DCAF8: variants seen among roughly 807,000 people sequenced by gnomAD.
DCAF8 encodes the protein DDB1 and CUL4 associated factor 8.
A neutral mutation model predicts 68.0 loss-of-function variants in DCAF8; 20 were observed. The ratio of observed to expected loss-of-function variants is 0.29; its 90% CI spans 0.21 to 0.43. The LOEUF is 0.43. DCAF8 is among the 20% of genes least tolerant of loss of function. The pLI is 1.00. For synonymous variants in DCAF8, 230 were observed against 276.9 expected, an observed-to-expected ratio of 0.83 and a Z score of 1.68; for missense variants, 460 against 771.0, an observed-to-expected ratio of 0.60 and a Z score of 4.78.
At chr1:160,260,164 C>T (rs1400082397) in intron 2 of DCAF8, among the ~76,000 whole-genome samples, 2 of 151,558 alleles carry the variant, frequency 1.3e-5, no homozygotes, top group Non-Finnish European at 2.9e-5. Flanking sequence ...TAAATAGATT[C>T]CCTATAATAC....
At chr1:160,242,108 G>C (rs1319530621) in intron 3 of DCAF8, among the ~76,000 whole-genome samples, 1 of 152,156 alleles carries the variant, frequency 6.6e-6, no homozygotes, top group African/African-American at 2.4e-5. Context: ...AGCCGGGCGT[G>C]GTGGCATGTG....
chr1:160,225,024 G>C, intron 9 of DCAF8, 38 bp downstream of exon 9: 1 of 1,605,204 alleles, frequency 6.2e-7, no homozygotes, highest in African/African-American at 1.3e-5. Context: ...TAGACAGAGG[G>C]GGCATGCCAG....
chr1:160,225,020 G>C, intron 9 of DCAF8, 42 bp downstream of exon 9: 1 of 1,600,322 alleles, frequency 6.2e-7, no homozygotes, highest in Non-Finnish European at 8.6e-7. Flanking sequence ...TCCCTAGACA[G>C]AGGGGGCATG....
chr1:160,240,021 CTCA>C lies in DCAF8; in HGVS notation c.396_398del (p.Asp132del), dbSNP rs755707515. 1.4e-5 allele frequency: 22 copies of C among 1,614,132 alleles called. No homozygotes were observed. Among genetic ancestry groups the C allele is most frequent in the Non-Finnish European group, 1.8e-5 (21 of 1,180,056 alleles). Reference sequence around the variant, plus strand: ...AGGACACCCAGTCCTCTAGGGCCCGCTCATCATCTGATGAGTCCTGGTCACGGT... The same window carrying C: ...AGGACACCCAGTCCTCTAGGGCCCGCTCATCTGATGAGTCCTGGTCACGGT... On this transcript the variant is annotated inframe_deletion, in exon 4 of 14. Coordinates refer to ENST00000368074, the MANE Select transcript of DCAF8 (RefSeq NM_015726.4).
chr1:160,251,618 G>A (rs1020715628), intron 2 of DCAF8, among the ~76,000 whole-genome samples: 7 of 152,098 alleles, frequency 4.6e-5, no homozygotes, highest in African/African-American at 1.7e-4. Flanking sequence ...GACTACAGGT[G>A]CATACTGCCA....
chr1:160,241,915 G>C (rs1557837231), intron 3 of DCAF8, among the ~76,000 whole-genome samples: 2 of 152,188 alleles, frequency 1.3e-5, no homozygotes, highest in Non-Finnish European at 2.9e-5. Context: ...CAAGTGCTTT[G>C]ATTCAAGCAG....
In DCAF8 at chr1:160,236,138, A is replaced by G. The variant is rs536667359; in HGVS notation, c.959+997T>C. 3.5e-4 allele frequency among the ~76,000 whole-genome samples: 53 copies of G among 152,318 alleles called. 1 individual carries two copies. Among genetic ancestry groups the G allele is most frequent in the Admixed American group, 5.9e-4 (9 of 15,294 alleles). Reference sequence around the variant, plus strand: ...CTTTATTACTTGAATCTCTTAAACAAGAAGTATTTGTTTATTGTAAGAGCA... The same window carrying G: ...CTTTATTACTTGAATCTCTTAAACAGGAAGTATTTGTTTATTGTAAGAGCA... On this transcript the variant is annotated intron_variant, in intron 6 of 13. Coordinates refer to ENST00000368074, the MANE Select transcript of DCAF8 (RefSeq NM_015726.4).
At chr1:160,239,348 A>C in intron 4 of DCAF8, 1 of 1,304,166 alleles carries the variant, frequency 7.7e-7, no homozygotes, top group Non-Finnish European at 1.0e-6. Context: ...GACAAAGGTA[A>C]AATAACTTGG....
At chr1:160,221,201 C>T (rs931482747) in intron 11 of DCAF8, 4 of 152,252 alleles carry the variant, frequency 2.6e-5, no homozygotes, top group Non-Finnish European at 5.9e-5. Flanking sequence ...GCATTCAGCC[C>T]TGCATCTCTC....
intron 6 of DCAF8, 50 bp downstream of exon 6, chr1:160,237,085 G>T: frequency 7.5e-7 from 1 of 1,331,334 alleles, no homozygotes; most frequent in Non-Finnish European, 1.0e-6. Context: ...TATGGAATAT[G>T]TTCAAGGCTA....
intron 2 of DCAF8, among the ~76,000 whole-genome samples, chr1:160,251,977 G>A (rs1341852227): frequency 2.6e-5 from 4 of 152,212 alleles, no homozygotes; most frequent in Non-Finnish European, 5.9e-5. Flanking sequence ...GAATGTTTCT[G>A]TAACAGAAAA....
chr1:160,243,970 G>A lies in DCAF8; in HGVS notation c.39C>T (p.Asp13=). ...ATTTTGGCCCCTTACCATTAGCTAA[G>A]TCTGTTCTGCCATCTGTGCTGCTCC... ...SKGSSTDGRT[D]LANGSLSSSP... Residue 13 remains aspartate, a synonymous_variant, in exon 3 of 14, where the codon GAC becomes GAT. Coordinates refer to ENST00000368074, the MANE Select transcript of DCAF8 (RefSeq NM_015726.4). 6.2e-7 allele frequency: 1 copy of A among 1,614,132 alleles called. No homozygotes were observed. The highest frequency in any genetic ancestry group is 1.1e-5 in the South Asian group (1 of 91,088).
chr1:160,244,412 T>C (rs776172059), intron 2 of DCAF8, among the ~76,000 whole-genome samples: 9 of 152,190 alleles, frequency 5.9e-5, no homozygotes, highest in Non-Finnish European at 8.8e-5. Context: ...AACTTCAGCA[T>C]TGCCCCCTAG....
In DCAF8 at chr1:160,243,954, C is replaced by T; in HGVS notation, c.49+6G>A. On this transcript the variant is annotated splice_donor_region_variant and intron_variant, in intron 3 of 13. Coordinates refer to ENST00000368074, the MANE Select transcript of DCAF8 (RefSeq NM_015726.4). ...AAATAGCTTCACCTTCATTTTGGCC[C>T]CTTACCATTAGCTAAGTCTGTTCTG... 6.2e-7 allele frequency: 1 copy of T among 1,613,890 alleles called. No individual in the cohort carries two copies. Among genetic ancestry groups the T allele is most frequent in the Non-Finnish European group, 8.5e-7 (1 of 1,179,886 alleles).
At position 160,218,305 on chromosome 1, in the gene DCAF8, A is replaced by G. The variant is rs186270228; in HGVS notation, c.1677+19T>C. The G allele has an allele frequency of 2.2e-5, 36 of 1,602,046 alleles. No homozygotes were observed. The East Asian group carries it at 7.8e-4, about 35-fold the overall frequency. On this transcript the variant is annotated intron_variant, in intron 13 of 13. Transcript: ENST00000368074. ...AAAAGGGTCACTCCCTTGGGAATTCATTTCCAACCCTAGCTTACCCGGTGA... is the reference window on the plus strand; with the variant it reads ...AAAAGGGTCACTCCCTTGGGAATTCGTTTCCAACCCTAGCTTACCCGGTGA...
At chr1:160,244,103 G>C (rs996331761) in intron 2 of DCAF8, 69 bp from the exon 3 acceptor site, 2 of 1,150,364 alleles carry the variant, frequency 1.7e-6, no homozygotes, top group Non-Finnish European at 2.6e-6. Context: ...ATAGGGACAA[G>C]GAGATTTAAC....
At chr1:160,236,213 TAATC>T (rs201842159) in intron 6 of DCAF8, among the ~76,000 whole-genome samples, 1,851 of 152,016 alleles carry the variant, frequency 0.012, 41 homozygotes, top group African/African-American at 0.042. Context: ...AGCTAAAACT[TAATC>T]AATTTCAGCC....
intron 13 of DCAF8, chr1:160,218,109 C>A: frequency 3.3e-6 from 2 of 612,084 alleles, no homozygotes; most frequent in Non-Finnish European, 2.9e-6. Flanking sequence ...ATGAAGATAG[C>A]ATTACACATG....
At chr1:160,246,875 C>T (rs1236051363) in intron 2 of DCAF8, among the ~76,000 whole-genome samples, 1 of 152,172 alleles carries the variant, frequency 6.6e-6, no homozygotes, top group African/African-American at 2.4e-5. Context: ...GGAAGGATCA[C>T]ATGAGCCATA....
Sources: allele counts gnomAD v4.1 joint callset (sites outside exome capture counted in the v4.1 genomes callset), GRCh38; gene constraint gnomAD v4.1.1; transcripts MANE v1.5; gene names NCBI Gene and HGNC (gene_info 2026-07-23, HGNC 2026-07-21).